Variants in ADK observed in about 807,000 individuals in gnomAD.
ADK encodes the protein N6,N6-dimethyladenosine kinase.
ADK carries 24 observed loss-of-function variants against 44.7 expected under a neutral mutation model. That is an observed-to-expected ratio of 0.54 (90% CI 0.39 to 0.76). The LOEUF is 0.76. Ranked by LOEUF, ADK falls within the 30% of genes least tolerant of loss-of-function variation. The pLI is 0.00. For missense variants in ADK, 321 were observed against 425.1 expected (o/e 0.76, Z 2.15); for synonymous variants, 128 against 142.6 (o/e 0.90, Z 0.73).
rs78520082 is a variant in ADK at position 74,589,041 on chromosome 10, A to G, written c.727-241A>G. On this transcript the variant is annotated intron_variant, in intron 7 of 10. Transcript: ENST00000539909. ...ACTCACTGTGGCAGCTACAGTAAAA[A>G]CATGTACTACATCTTCTTTATTCCA... Among the ~76,000 whole-genome samples, 391 of 152,280 alleles carry G rather than the reference A, an allele frequency of 2.6e-3. 2 individuals are homozygous for G. The highest frequency in any genetic ancestry group is 9.0e-3 in the African/African-American group (376 of 41,568).
intron 7 of ADK, among the ~76,000 whole-genome samples, chr10:74,534,394 A>G (rs1849385165): frequency 6.6e-6 from 1 of 152,166 alleles, no homozygotes; most frequent in African/African-American, 2.4e-5. Flanking sequence ...AGAAGTGCCA[A>G]TTTGTTATTT....
chr10:74,337,245 T>G (rs1195781884), intron 4 of ADK, among the ~76,000 whole-genome samples: 2 of 152,214 alleles, frequency 1.3e-5, no homozygotes, highest in African/African-American at 2.4e-5. Flanking sequence ...TGCTGGAGCT[T>G]TATCTTGTGG....
At chr10:74,623,242 A>C (rs765595360) in intron 9 of ADK, among the ~76,000 whole-genome samples, 1 of 152,182 alleles carries the variant, frequency 6.6e-6, no homozygotes, top group Non-Finnish European at 1.5e-5. Context: ...TGCACAAGAC[A>C]GCCAATCCAC....
At chr10:74,424,535 C>CAAAAAAAAAAAAAAAAAAAAAAAAA (rs57106986) in intron 6 of ADK, among the ~76,000 whole-genome samples, 4 of 58,460 alleles carry the variant, frequency 6.8e-5, no homozygotes, top group Admixed American at 2.2e-4. Context: ...AACTCCGTCT[C>CAAAAAAAAAAAAAAAAAAAAAAAAA]AAAAAAAAAA....
At chr10:74,628,028 G>A (rs1853277390) in intron 9 of ADK, among the ~76,000 whole-genome samples, 1 of 152,074 alleles carries the variant, frequency 6.6e-6, no homozygotes, top group South Asian at 2.1e-4. Context: ...GATCATAATG[G>A]GGATCATTAG....
chr10:74,628,041 T>G (rs1277857455), intron 9 of ADK, among the ~76,000 whole-genome samples: 1 of 152,164 alleles, frequency 6.6e-6, no homozygotes, highest in East Asian at 1.9e-4. Context: ...ATCATTAGGT[T>G]TCTTTGACAG....
At chr10:74,506,937 A>T (rs1848098467) in intron 6 of ADK, among the ~76,000 whole-genome samples, 1 of 152,196 alleles carries the variant, frequency 6.6e-6, no homozygotes, top group Admixed American at 6.5e-5. Context: ...AAATTTTCTG[A>T]TATACTTCTT....
At chr10:74,157,742 A>G (rs947720658) in intron 1 of ADK, among the ~76,000 whole-genome samples, 1 of 151,644 alleles carries the variant, frequency 6.6e-6, no homozygotes, top group African/African-American at 2.4e-5. Context: ...AAAATACAAA[A>G]TTAGCTGGAT....
chr10:74,583,370 C>T (rs182628911), intron 7 of ADK, among the ~76,000 whole-genome samples: 1 of 152,146 alleles, frequency 6.6e-6, no homozygotes, highest in East Asian at 1.9e-4. Flanking sequence ...ATCATTGCTT[C>T]AGAATAACAG....
intron 6 of ADK, among the ~76,000 whole-genome samples, chr10:74,405,153 A>T (rs976137327): frequency 1.3e-5 from 2 of 152,002 alleles, no homozygotes; most frequent in Non-Finnish European, 2.9e-5. Context: ...AACTGTTATT[A>T]ATCTCATCAA....
At chr10:74,629,967 T>C (rs1025928771) in intron 9 of ADK, among the ~76,000 whole-genome samples, 18 of 152,172 alleles carry the variant, frequency 1.2e-4, no homozygotes, top group Admixed American at 3.9e-4. Flanking sequence ...GCATATCCTT[T>C]GACTCAGTAA....
intron 9 of ADK, chr10:74,661,324 G>A: frequency 1.0e-6 from 1 of 964,576 alleles, no homozygotes; most frequent in Non-Finnish European, 1.2e-6. Context: ...GACAACTTTG[G>A]GATCATATTT....
chr10:74,699,609 G>A (rs1041457539), intron 10 of ADK, among the ~76,000 whole-genome samples: 2 of 152,118 alleles, frequency 1.3e-5, no homozygotes, highest in Admixed American at 6.6e-5. Context: ...CGCTGGAGGC[G>A]GAGGTTGCAG....
At position 74,305,549 on chromosome 10, in the gene ADK, C is replaced by T. The variant is rs1840215895; in HGVS notation, c.195-9118C>T. On this transcript the variant is annotated intron_variant, in intron 3 of 10. Coordinates refer to ENST00000539909, the MANE Select transcript of ADK (RefSeq NM_006721.4). Reference sequence around the variant, plus strand: ...CTGTTTCCATCCCTGTTTGCTGGCACCTTCTCCACTTAAATTTTGGTATAT... The same window carrying T: ...CTGTTTCCATCCCTGTTTGCTGGCATCTTCTCCACTTAAATTTTGGTATAT... Among the ~76,000 whole-genome samples the T allele has an allele frequency of 3.3e-5, 5 of 152,096 alleles. No homozygotes were observed. In the South Asian group the frequency reaches 1.0e-3, roughly 32 times the overall value.
chr10:74,198,882 G>T (rs1341771040), intron 1 of ADK, among the ~76,000 whole-genome samples: 1 of 151,918 alleles, frequency 6.6e-6, no homozygotes, highest in Non-Finnish European at 1.5e-5. Flanking sequence ...CATGTTATAG[G>T]CATCTGAAAT....
intron 6 of ADK, among the ~76,000 whole-genome samples, chr10:74,487,191 A>G (rs1296708665): frequency 2.0e-5 from 3 of 152,094 alleles, no homozygotes. Flanking sequence ...GATTAGCCAT[A>G]GATATTTTGT....
chr10:74,371,964 A>G (rs887931801), intron 4 of ADK: 7 of 934,024 alleles, frequency 7.5e-6, no homozygotes, highest in African/African-American at 1.6e-5. Flanking sequence ...TAACCTATCT[A>G]CCGTTGCTTT....
intron 9 of ADK, among the ~76,000 whole-genome samples, chr10:74,612,952 C>A (rs975162201): frequency 6.6e-6 from 1 of 151,870 alleles, no homozygotes; most frequent in African/African-American, 2.4e-5. Context: ...TGTGGGTTTA[C>A]TTCTGGGTTC....
intron 3 of ADK, among the ~76,000 whole-genome samples, chr10:74,261,310 A>G (rs1846029102): frequency 6.6e-6 from 1 of 151,924 alleles, no homozygotes; most frequent in East Asian, 1.9e-4. Flanking sequence ...AGCACCTCCC[A>G]TTAATTTTTC....
Sources: allele counts gnomAD v4.1 joint callset (sites outside exome capture counted in the v4.1 genomes callset), GRCh38; gene constraint gnomAD v4.1.1; transcripts MANE v1.5; gene names NCBI Gene and HGNC (gene_info 2026-07-23, HGNC 2026-07-21).